Variants in ADCY2 observed in about 807,000 individuals in gnomAD.
The protein encoded by ADCY2 is adenylate cyclase 2.
A neutral mutation model predicts 125.2 loss-of-function variants in ADCY2; 31 were observed. The ratio of observed to expected loss-of-function variants is 0.25; its 90% CI spans 0.19 to 0.33. ADCY2 has a LOEUF of 0.33. ADCY2 is among the 10% of genes least tolerant of loss of function. The pLI, the probability that ADCY2 is intolerant of heterozygous loss-of-function variation, is 1.00. For missense variants in ADCY2, 904 were observed against 1,418.2 expected, an observed-to-expected ratio of 0.64 and a Z score of 5.82; for synonymous variants, 512 against 548.4, an observed-to-expected ratio of 0.93 and a Z score of 0.93.
intron 7 of ADCY2, among the ~76,000 whole-genome samples, chr5:7,702,352 A>G (rs1476039724): frequency 1.3e-5 from 2 of 150,570 alleles, no homozygotes; most frequent in African/African-American, 2.4e-5. Context: ...TACATTAGGT[A>G]TATCTCCTAA....
chr5:7,555,487 A>G (rs1735479127), intron 3 of ADCY2, among the ~76,000 whole-genome samples: 1 of 152,138 alleles, frequency 6.6e-6, no homozygotes, highest in Non-Finnish European at 1.5e-5. Context: ...CCGTTGCTTC[A>G]CTCTAGATAG....
chr5:7,750,124 A>G (rs896421754), intron 15 of ADCY2, among the ~76,000 whole-genome samples: 11 of 152,102 alleles, frequency 7.2e-5, no homozygotes, highest in African/African-American at 2.7e-4. Flanking sequence ...TACCTGTATT[A>G]TAATTATTAC....
chr5:7,752,883 A>G (rs919341164), intron 15 of ADCY2, among the ~76,000 whole-genome samples: 10 of 140,052 alleles, frequency 7.1e-5, no homozygotes, highest in African/African-American at 2.4e-4. Context: ...CAATTCTATG[A>G]TAGGATTTTC....
intron 4 of ADCY2, among the ~76,000 whole-genome samples, chr5:7,655,156 T>G (rs1333331610): frequency 6.6e-6 from 1 of 152,218 alleles, no homozygotes; most frequent in Non-Finnish European, 1.5e-5. Context: ...CAACAGTAAC[T>G]GTAAAGTGGT....
intron 2 of ADCY2, among the ~76,000 whole-genome samples, chr5:7,480,584 C>T (rs1366212717): frequency 6.6e-6 from 1 of 152,012 alleles, no homozygotes; most frequent in Non-Finnish European, 1.5e-5. Context: ...GGGAACAACA[C>T]ACACGGGGGC....
chr5:7,701,795 G>A (rs1024841131), intron 7 of ADCY2, among the ~76,000 whole-genome samples: 1 of 152,138 alleles, frequency 6.6e-6, no homozygotes, highest in African/African-American at 2.4e-5. Flanking sequence ...GTGTTGTCAA[G>A]GTTCATTTTT....
intron 2 of ADCY2, among the ~76,000 whole-genome samples, chr5:7,490,053 A>T (rs1447460767): frequency 6.6e-6 from 1 of 152,116 alleles, no homozygotes; most frequent in East Asian, 1.9e-4. Context: ...AGTGGTAAAA[A>T]TTATCATTCT....
At chr5:7,449,343 A>G (rs1741390878) in intron 2 of ADCY2, among the ~76,000 whole-genome samples, 1 of 152,234 alleles carries the variant, frequency 6.6e-6, no homozygotes, top group Non-Finnish European at 1.5e-5. Context: ...AAACAAAAAC[A>G]TGATTCTTCT....
chr5:7,708,740 A>T (rs993248414), intron 9 of ADCY2, among the ~76,000 whole-genome samples: 7 of 152,276 alleles, frequency 4.6e-5, no homozygotes, highest in African/African-American at 1.7e-4. Flanking sequence ...ATCTGGAGAT[A>T]GATGTGTGGC....
At chr5:7,707,638 G>A in intron 8 of ADCY2, 68 bp from the exon 9 acceptor site, 6 of 1,556,974 alleles carry the variant, frequency 3.9e-6, no homozygotes, top group African/African-American at 2.7e-5. Context: ...GAAATCATGA[G>A]CAAATAGAAA....
At chr5:7,422,432 G>A (rs768659980) in intron 2 of ADCY2, among the ~76,000 whole-genome samples, 9 of 151,982 alleles carry the variant, frequency 5.9e-5, no homozygotes, top group Non-Finnish European at 1.2e-4. Flanking sequence ...TTTTTTTCAG[G>A]CAGGTTGGAT....
chr5:7,427,325 T>C (rs1740422294), intron 2 of ADCY2, among the ~76,000 whole-genome samples: 1 of 152,190 alleles, frequency 6.6e-6, no homozygotes, highest in South Asian at 2.1e-4. Context: ...GGGTAATTTA[T>C]AAAGGAAACA....
intron 3 of ADCY2, among the ~76,000 whole-genome samples, chr5:7,529,791 G>A (rs1047280453): frequency 1.3e-5 from 2 of 152,230 alleles, no homozygotes; most frequent in Non-Finnish European, 2.9e-5. Context: ...CCTTGTGAGG[G>A]TGGCCCACAT....
intron 5 of ADCY2, chr5:7,692,071 G>A (rs1033791278): frequency 6.6e-6 from 1 of 152,202 alleles, no homozygotes; most frequent in Non-Finnish European, 1.5e-5. Flanking sequence ...ATTACAATTC[G>A]ACATGAGATT....
At chr5:7,776,543 G>C (rs1458915746) in intron 18 of ADCY2, among the ~76,000 whole-genome samples, 1 of 152,100 alleles carries the variant, frequency 6.6e-6, no homozygotes, top group Non-Finnish European at 1.5e-5. Flanking sequence ...GTGCTCTGAC[G>C]ACACTGTGAT....
intron 18 of ADCY2, among the ~76,000 whole-genome samples, chr5:7,782,665 G>A (rs371589393): frequency 5.3e-5 from 8 of 152,322 alleles, no homozygotes; most frequent in African/African-American, 1.9e-4. Flanking sequence ...TATTCACAAA[G>A]CAGCATGCAA....
intron 10 of ADCY2, among the ~76,000 whole-genome samples, chr5:7,711,941 A>G (rs1360533733): frequency 6.6e-6 from 1 of 152,176 alleles, no homozygotes; most frequent in Admixed American, 6.5e-5. Context: ...TGGAGTTTTC[A>G]CTCATAAATC....
In ADCY2 at chr5:7,828,029, C is replaced by T. The variant is rs1275796748; in HGVS notation, c.*1158C>T. The T allele has an allele frequency of 6.5e-6, 1 of 152,784 alleles. No homozygotes were observed. Among genetic ancestry groups the T allele is most frequent in the Non-Finnish European group, 1.5e-5 (1 of 68,046 alleles). 9.5% of individuals were successfully genotyped at this position (152,784 alleles called of 1,614,324 possible). A position where few individuals can be genotyped will look rare whatever the true frequency, so the allele number is the denominator to read the frequency against. On this transcript the variant is annotated 3_prime_UTR_variant, in exon 25 of 25. Coordinates refer to ENST00000338316, the MANE Select transcript of ADCY2 (RefSeq NM_020546.3). ...TGAGAAGGCTAAAGAAGACACACAGCCAACGTTCATGCATTTTTAAAGACA... is the reference window on the plus strand; with the variant it reads ...TGAGAAGGCTAAAGAAGACACACAGTCAACGTTCATGCATTTTTAAAGACA...
intron 2 of ADCY2, among the ~76,000 whole-genome samples, chr5:7,491,809 A>G (rs1032092731): frequency 1.3e-5 from 2 of 152,158 alleles, no homozygotes; most frequent in East Asian, 1.9e-4. Flanking sequence ...ATTTGGGAAA[A>G]TTTAGAATGT....
Sources: gnomAD v4.1 joint callset for allele counts (sites outside exome capture counted in the v4.1 genomes callset) on GRCh38, gnomAD v4.1.1 for gene constraint, MANE v1.5 for transcripts, NCBI Gene and HGNC (gene_info 2026-07-23, HGNC 2026-07-21) for gene names.